The following FOXO3 variants were observed in gnomAD, a reference collection of about 807,000 sequenced individuals.
The protein encoded by FOXO3 is forkhead box protein O3.
A neutral mutation model predicts 41.9 loss-of-function variants in FOXO3; 4 were observed. The observed-to-expected ratio is 0.10, with a 90% CI of 0.05 to 0.22. The LOEUF is 0.22. FOXO3 is among the 10% of genes least tolerant of loss of function. The pLI, the probability that FOXO3 is intolerant of heterozygous loss-of-function variation, is 1.00. For synonymous variants in FOXO3, 318 were observed against 389.3 expected (o/e 0.82, Z 2.16); for missense variants, 534 against 906.8 (o/e 0.59, Z 5.28).
At chr6:108,677,177 G>A in intron 2 of FOXO3, among the ~76,000 whole-genome samples, 1 of 152,210 alleles carries the variant, frequency 6.6e-6, no homozygotes, top group Non-Finnish European at 1.5e-5. Flanking sequence ...GTAGAACATA[G>A]CTTCACAGGT....
intron 1 of FOXO3, among the ~76,000 whole-genome samples, chr6:108,584,670 G>T (rs1776525613): frequency 6.6e-6 from 1 of 152,160 alleles, no homozygotes; most frequent in Admixed American, 6.5e-5. Flanking sequence ...ATTTCACCTA[G>T]AATCTTGCCA....
chr6:108,585,323 G>A (rs1447063956), intron 1 of FOXO3, among the ~76,000 whole-genome samples: 2 of 152,212 alleles, frequency 1.3e-5, no homozygotes, highest in Admixed American at 6.5e-5. Context: ...GATTACAGGC[G>A]TGAGCCACCG....
chr6:108,637,083 A>G (rs1278557121), intron 1 of FOXO3, among the ~76,000 whole-genome samples: 1 of 152,136 alleles, frequency 6.6e-6, no homozygotes, highest in Non-Finnish European at 1.5e-5. Flanking sequence ...ATTTTAGTTT[A>G]CAACTTTATA....
rs945129879 is a variant in FOXO3 at position 108,561,058 on chromosome 6, CCTT to C, written c.-148_-146del. The C allele has an allele frequency of 1.1e-5, 15 of 1,418,550 alleles. No homozygotes were observed. The highest frequency in any genetic ancestry group is 4.5e-5 in the African/African-American group (3 of 66,026). 87.9% of individuals were successfully genotyped at this position (1,418,550 alleles called of 1,614,324 possible). On this transcript the variant is annotated 5_prime_UTR_variant, in exon 1 of 3. Coordinates refer to ENST00000406360, the MANE Select transcript of FOXO3 (RefSeq NM_001455.4). ...GCTCCGGCCCGGGATAACCAACTCTCCTTCTCTCTTCTTTGGTGCTTCCCCAGG... is the reference window on the plus strand; with the variant it reads ...GCTCCGGCCCGGGATAACCAACTCTCCTCTCTTCTTTGGTGCTTCCCCAGG...
intron 1 of FOXO3, among the ~76,000 whole-genome samples, chr6:108,575,546 G>T (rs1051362237): frequency 5.9e-5 from 9 of 152,118 alleles, no homozygotes; most frequent in Non-Finnish European, 1.5e-5. Flanking sequence ...AAAGCGTTGC[G>T]ATGGGTCTTC....
chr6:108,653,250 C>A (rs11153120), intron 1 of FOXO3, among the ~76,000 whole-genome samples: 14,819 of 152,188 alleles, frequency 0.097, 746 homozygotes, highest in East Asian at 0.15. Context: ...GCTCCTGCCC[C>A]CTTCCCATTA....
chr6:108,605,913 A>G (rs1365292066), intron 1 of FOXO3, among the ~76,000 whole-genome samples: 1 of 152,234 alleles, frequency 6.6e-6, no homozygotes, highest in Non-Finnish European at 1.5e-5. Context: ...GTGCTTTCAA[A>G]TCACTCAAAA....
At chr6:108,604,670 A>G (rs1777142455) in intron 1 of FOXO3, among the ~76,000 whole-genome samples, 1 of 152,106 alleles carries the variant, frequency 6.6e-6, no homozygotes, top group African/African-American at 2.4e-5. Flanking sequence ...GAAAACAGCC[A>G]GTTTGGATGT....
intron 1 of FOXO3, among the ~76,000 whole-genome samples, chr6:108,562,920 T>C (rs1775855345): frequency 6.6e-6 from 1 of 152,216 alleles, no homozygotes; most frequent in South Asian, 2.1e-4. Flanking sequence ...TGTGTGTCAG[T>C]ACCAGGCCAA....
chr6:108,561,613 G>A lies in FOXO3; in HGVS notation c.405G>A (p.Pro135=). Residue 135 remains proline, a synonymous_variant, in exon 1 of 3, where the codon CCG becomes CCA. Coordinates refer to ENST00000406360, the MANE Select transcript of FOXO3 (RefSeq NM_001455.4). ...TGCAGCCTCAGCAACCGCTGCCACCGCCGCAGCCGGGGGCGGCTGGGGGCT... is the reference window on the plus strand; with the variant it reads ...TGCAGCCTCAGCAACCGCTGCCACCACCGCAGCCGGGGGCGGCTGGGGGCT... ...ALLQPQQPLP[P]PQPGAAGGSG... The A allele has an allele frequency of 1.3e-6, 2 of 1,536,452 alleles. No homozygotes were observed. The highest frequency in any genetic ancestry group is 1.8e-6 in the Non-Finnish European group (2 of 1,141,616).
chr6:108,644,575 G>C (rs1203598251), intron 1 of FOXO3, among the ~76,000 whole-genome samples: 1 of 152,068 alleles, frequency 6.6e-6, no homozygotes, highest in Non-Finnish European at 1.5e-5. Flanking sequence ...CTGTCTGGTG[G>C]CTTCTGTTCT....
intron 1 of FOXO3, among the ~76,000 whole-genome samples, chr6:108,589,345 G>T (rs1776669684): frequency 6.6e-6 from 1 of 152,162 alleles, no homozygotes; most frequent in Non-Finnish European, 1.5e-5. Context: ...GCCAGGCCTT[G>T]GCTGCCCTGG....
intron 1 of FOXO3, among the ~76,000 whole-genome samples, chr6:108,611,082 G>A (rs529039327): frequency 4.1e-5 from 6 of 146,034 alleles, no homozygotes; most frequent in South Asian, 4.7e-4. Context: ...CTAGAATTTC[G>A]TATAAATGTA....
chr6:108,602,481 G>A (rs978443378), intron 1 of FOXO3, among the ~76,000 whole-genome samples: 3 of 151,926 alleles, frequency 2.0e-5, no homozygotes, highest in Non-Finnish European at 2.9e-5. Context: ...TGTTTTTTGC[G>A]TGAAGTTTGG....
intron 1 of FOXO3, among the ~76,000 whole-genome samples, chr6:108,632,821 A>G (rs533287589): frequency 1.3e-5 from 2 of 152,196 alleles, no homozygotes; most frequent in African/African-American, 2.4e-5. Context: ...TTGGAGGGGT[A>G]TATGGAGAGA....
chr6:108,664,925 A>T, intron 2 of FOXO3, 36 bp downstream of exon 2: 3 of 1,521,022 alleles, frequency 2.0e-6, no homozygotes, highest in Non-Finnish European at 2.7e-6. Flanking sequence ...AAATAACAAT[A>T]TGGGGATGAG....
intron 1 of FOXO3, among the ~76,000 whole-genome samples, chr6:108,575,485 A>G (rs1443779437): frequency 6.6e-6 from 1 of 152,154 alleles, no homozygotes; most frequent in Non-Finnish European, 1.5e-5. Context: ...TCTTCATTTG[A>G]ACATTTCCTG....
Position 108,682,096 on chromosome 6 carries a change from A to G in FOXO3, c.*2304A>G, listed in dbSNP as rs1242059995. ...AGAAACATGCAAAGTGACTAACAAAATAGCTACTTACCTTTGCAGTTTTAC... is the reference window on the plus strand; with the variant it reads ...AGAAACATGCAAAGTGACTAACAAAGTAGCTACTTACCTTTGCAGTTTTAC... On this transcript the variant is annotated 3_prime_UTR_variant, in exon 3 of 3. Coordinates refer to ENST00000406360, the MANE Select transcript of FOXO3 (RefSeq NM_001455.4). 1 of 152,554 alleles carries G rather than the reference A, an allele frequency of 6.6e-6. No homozygotes were observed. The highest frequency in any genetic ancestry group is 1.5e-5 in the Non-Finnish European group (1 of 68,040). 9.5% of individuals were successfully genotyped at this position (152,554 alleles called of 1,614,324 possible).
At chr6:108,648,452 C>T (rs762618665) in intron 1 of FOXO3, among the ~76,000 whole-genome samples, 1 of 152,166 alleles carries the variant, frequency 6.6e-6, no homozygotes, top group Non-Finnish European at 1.5e-5. Context: ...CACCCCTGCT[C>T]CCTTTGATTA....
Sources: allele counts gnomAD v4.1 joint callset (sites outside exome capture counted in the v4.1 genomes callset), GRCh38; gene constraint gnomAD v4.1.1; transcripts MANE v1.5; gene names NCBI Gene and HGNC (gene_info 2026-07-23, HGNC 2026-07-21).